Variants in PIP5K1B observed in about 807,000 individuals in gnomAD.
PIP5K1B encodes the protein phosphatidylinositol 4-phosphate 5-kinase type-1 beta.
A neutral mutation model predicts 67.0 loss-of-function variants in PIP5K1B; 42 were observed. That is an observed-to-expected ratio of 0.63 (90% CI 0.49 to 0.81). The LOEUF is 0.81. Among genes scored for constraint, PIP5K1B ranks in the 30% least tolerant of loss-of-function variants. The probability of loss-of-function intolerance (pLI) is 0.00; values close to 1 mark genes in which losing one functional copy is unlikely to be tolerated. For missense variants in PIP5K1B, 459 were observed against 646.3 expected, an observed-to-expected ratio of 0.71 and a Z score of 3.14; for synonymous variants, 214 against 231.4, an observed-to-expected ratio of 0.92 and a Z score of 0.68.
intron 2 of PIP5K1B, among the ~76,000 whole-genome samples, chr9:68,801,120 T>G (rs1832579796): frequency 6.6e-6 from 1 of 152,178 alleles, no homozygotes; most frequent in South Asian, 2.1e-4. Context: ...GCCCCTGCCT[T>G]CCTTCTGATA....
chr9:69,002,403 ATTTTC>A (rs1830861648), intron 15 of PIP5K1B, among the ~76,000 whole-genome samples: 1 of 152,004 alleles, frequency 6.6e-6, no homozygotes, highest in South Asian at 2.1e-4. Context: ...TAGCACTGTG[ATTTTC>A]TTCTGTTCAC....
chr9:68,921,836 G>A (rs1826420825), intron 11 of PIP5K1B, among the ~76,000 whole-genome samples: 1 of 151,906 alleles, frequency 6.6e-6, no homozygotes, highest in Non-Finnish European at 1.5e-5. Context: ...GGGCGACAGA[G>A]CGAGACTCCA....
At chr9:68,843,064 T>A (rs1271960312) in intron 4 of PIP5K1B, 1 of 152,232 alleles carries the variant, frequency 6.6e-6, no homozygotes, top group Non-Finnish European at 1.5e-5. Flanking sequence ...TGGTTGAGGA[T>A]TTTTATGTAT....
chr9:68,811,351 A>G (rs1021003032), intron 2 of PIP5K1B, among the ~76,000 whole-genome samples: 1 of 152,090 alleles, frequency 6.6e-6, no homozygotes, highest in Non-Finnish European at 1.5e-5. Flanking sequence ...CAGGGAAGTC[A>G]TCCCATATAG....
chr9:68,874,929 T>A (rs149804063), intron 5 of PIP5K1B, among the ~76,000 whole-genome samples: 7 of 152,334 alleles, frequency 4.6e-5, no homozygotes, highest in Admixed American at 4.6e-4. Flanking sequence ...TATTTCTATA[T>A]GATCTACATT....
Position 68,969,093 on chromosome 9 carries a change from G to A in PIP5K1B, c.1503-22047G>A, listed in dbSNP as rs887101032. Among the ~76,000 whole-genome samples the A allele has an allele frequency of 6.6e-5, 10 of 152,234 alleles. No individual in the cohort carries two copies. The South Asian group carries it at 1.0e-3, about 16-fold the overall frequency. ...TTGTTAAAACTGTAAATGAGGCCGG[G>A]CGCGGTGGCTCATGCCTGTAATCCC... On this transcript the variant is annotated intron_variant, in intron 14 of 15. Transcript: ENST00000265382.
At chr9:68,917,907 T>A in intron 9 of PIP5K1B, 148 bp downstream of exon 9, 1 of 619,070 alleles carries the variant, frequency 1.6e-6, no homozygotes, top group East Asian at 2.7e-5. Context: ...TCTCCATTTC[T>A]ATTCATCTAA....
chr9:68,857,006 A>T (rs1446042416), intron 4 of PIP5K1B, among the ~76,000 whole-genome samples: 1 of 152,242 alleles, frequency 6.6e-6, no homozygotes, highest in Non-Finnish European at 1.5e-5. Flanking sequence ...CGAAGTGAGA[A>T]GATCAGAGTC....
chr9:68,754,977 C>A (rs1829850322), intron 2 of PIP5K1B, among the ~76,000 whole-genome samples: 1 of 152,150 alleles, frequency 6.6e-6, no homozygotes, highest in Non-Finnish European at 1.5e-5. Context: ...TTACCTGGAA[C>A]TCTATGTCTA....
At chr9:68,909,716 A>G (rs1195496381) in intron 8 of PIP5K1B, among the ~76,000 whole-genome samples, 1 of 152,190 alleles carries the variant, frequency 6.6e-6, no homozygotes, top group Non-Finnish European at 1.5e-5. Flanking sequence ...AGGATCCTAC[A>G]GGTTGAGTCA....
chr9:68,893,169 G>A lies in PIP5K1B; in HGVS notation c.472-1170G>A, dbSNP rs529314168. 3.9e-5 allele frequency among the ~76,000 whole-genome samples: 6 copies of A among 152,234 alleles called. No homozygotes were observed. The East Asian group carries it at 1.2e-3, about 29-fold the overall frequency. ...TAAGCACCTTGAATATTTCTGGAAT[G>A]AAATAAAGTGAGAGCAGTGGTTTTC... On this transcript the variant is annotated intron_variant, in intron 7 of 15. Transcript: ENST00000265382.
At chr9:68,717,211 G>T (rs1270679129) in intron 1 of PIP5K1B, among the ~76,000 whole-genome samples, 1 of 152,134 alleles carries the variant, frequency 6.6e-6, no homozygotes, top group Non-Finnish European at 1.5e-5. Flanking sequence ...TAACAAACCT[G>T]CATGTGTAAC....
At chr9:68,730,375 T>G (rs1299000795) in intron 1 of PIP5K1B, among the ~76,000 whole-genome samples, 1 of 152,184 alleles carries the variant, frequency 6.6e-6, no homozygotes, top group Non-Finnish European at 1.5e-5. Context: ...GAGGGTCTAC[T>G]CTATGCTTCC....
At chr9:68,751,100 T>C (rs1245981200) in intron 2 of PIP5K1B, among the ~76,000 whole-genome samples, 5 of 152,180 alleles carry the variant, frequency 3.3e-5, no homozygotes, top group Non-Finnish European at 7.3e-5. Context: ...AGGGAAGAAG[T>C]ATGCCTGGTA....
intron 8 of PIP5K1B, among the ~76,000 whole-genome samples, chr9:68,910,135 CCT>C (rs1421011340): frequency 6.6e-6 from 1 of 152,140 alleles, no homozygotes; most frequent in Non-Finnish European, 1.5e-5. Context: ...GCAAAGGCTT[CCT>C]AAAGAAAAAT....
intron 15 of PIP5K1B, among the ~76,000 whole-genome samples, chr9:68,997,734 G>C (rs1830656430): frequency 6.6e-6 from 1 of 152,196 alleles, no homozygotes. Flanking sequence ...GCATCTACAA[G>C]TTATTCCCAT....
At position 68,934,125 on chromosome 9, in the gene PIP5K1B, G is replaced by T. The variant is rs77791286; in HGVS notation, c.1202-765G>T. On this transcript the variant is annotated intron_variant, in intron 12 of 15. Transcript: ENST00000265382. ...AAGAAGAATTATTGCAGCAAATAGTGAATGTAAATAAGGATGGCCTTGCTG... is the reference window on the plus strand; with the variant it reads ...AAGAAGAATTATTGCAGCAAATAGTTAATGTAAATAAGGATGGCCTTGCTG... 5.8e-3 allele frequency among the ~76,000 whole-genome samples: 887 copies of T among 152,340 alleles called. 6 individuals are homozygous for T. The highest frequency in any genetic ancestry group is 0.02 in the African/African-American group (846 of 41,578).
intron 8 of PIP5K1B, among the ~76,000 whole-genome samples, chr9:68,899,735 A>G (rs883952): frequency 0.47 from 72,190 of 152,076 alleles, 17,619 homozygotes; most frequent in South Asian, 0.59. Flanking sequence ...CATGGAAGCA[A>G]TGTTGTAAAT....
At chr9:68,712,670 C>T (rs1473829135) in intron 1 of PIP5K1B, among the ~76,000 whole-genome samples, 3 of 152,212 alleles carry the variant, frequency 2.0e-5, no homozygotes, top group African/African-American at 7.2e-5. Context: ...TACGTGTTAG[C>T]TATGGCAGCT....
Sources: gnomAD v4.1 joint callset for allele counts (sites outside exome capture counted in the v4.1 genomes callset) on GRCh38, gnomAD v4.1.1 for gene constraint, MANE v1.5 for transcripts, NCBI Gene and HGNC (gene_info 2026-07-23, HGNC 2026-07-21) for gene names.